LNX1: variants seen among roughly 807,000 people sequenced by gnomAD.
LNX1 encodes the protein E3 ubiquitin-protein ligase LNX.
A neutral mutation model predicts 68.4 loss-of-function variants in LNX1; 54 were observed. The observed-to-expected ratio is 0.79, with a 90% CI of 0.63 to 0.99. LNX1 has a LOEUF of 0.99. Ranked by LOEUF, LNX1 falls within the 50% of genes least tolerant of loss-of-function variation. The pLI, the probability that LNX1 is intolerant of heterozygous loss-of-function variation, is 0.00. For synonymous variants in LNX1, 336 were observed against 350.0 expected, an observed-to-expected ratio of 0.96 and a Z score of 0.45; for missense variants, 906 against 926.4, an observed-to-expected ratio of 0.98 and a Z score of 0.29.
Position 53,528,028 on chromosome 4 carries a change from C to T in LNX1, c.381-19801G>A, listed in dbSNP as rs115589697. On this transcript the variant is annotated intron_variant, in intron 2 of 10. Transcript: ENST00000263925. The stretch of plus-strand genomic sequence containing the variant: ...TAATATCTTCTAAGTTTATTTAATA[C>T]TCAGAATTCAGGATTGCCCATGTTT... Among the ~76,000 whole-genome samples the T allele has an allele frequency of 5.6e-3, 847 of 152,308 alleles. 3 individuals carry two copies. Among genetic ancestry groups the T allele is most frequent in the African/African-American group, 0.02 (818 of 41,556 alleles).
chr4:53,485,219 G>A (rs1207369954), intron 6 of LNX1, among the ~76,000 whole-genome samples: 1 of 152,148 alleles, frequency 6.6e-6, no homozygotes, highest in Non-Finnish European at 1.5e-5. Context: ...GAACATTCAG[G>A]TCAAAACCCC....
intron 6 of LNX1, among the ~76,000 whole-genome samples, chr4:53,493,820 G>A (rs1383553912): frequency 3.3e-5 from 5 of 152,170 alleles, no homozygotes; most frequent in East Asian, 1.9e-4. Flanking sequence ...TCTTAAGGCC[G>A]CTGGATCTTG....
At position 53,519,438 on chromosome 4, in the gene LNX1, G is replaced by GTT. The variant is rs36120084; in HGVS notation, c.381-11213_381-11212dup. The stretch of plus-strand genomic sequence containing the variant: ...TATCATTTGTTCAGTTTTGTTCAGT[G>GTT]TTTTTTTTTTTTTTTTTTAATCACA... On this transcript the variant is annotated intron_variant, in intron 2 of 10. Transcript: ENST00000263925. Among the ~76,000 whole-genome samples, 356 of 128,560 alleles carry GTT rather than the reference G, an allele frequency of 2.8e-3. 2 individuals are homozygous for GTT. The highest frequency in any genetic ancestry group is 7.2e-3 in the African/African-American group (248 of 34,292). 84.3% of individuals were successfully genotyped at this position (128,560 alleles called of 152,430 possible). A position where few individuals can be genotyped will look rare whatever the true frequency, so the allele number is the denominator to read the frequency against.
intron 1 of LNX1, among the ~76,000 whole-genome samples, chr4:53,583,624 T>G (rs1158547584): frequency 2.0e-5 from 3 of 151,848 alleles, no homozygotes; most frequent in Non-Finnish European, 2.9e-5. Flanking sequence ...AGAATTGAAC[T>G]AAAGGGAGAC....
Position 53,576,043 on chromosome 4 carries a change from G to C in LNX1, c.-86-1955C>G, listed in dbSNP as rs943659208. 16 of 1,565,292 alleles carry C rather than the reference G, an allele frequency of 1.0e-5. No individual in the cohort carries two copies. In the Admixed American group the frequency reaches 3.0e-4, roughly 29 times the overall value. Reference sequence around the variant, plus strand: ...CAGCCTGAAGCCCAACACCTTCAGGGACCAGCTCCAGGAACTCTGCATCCC... The same window carrying C: ...CAGCCTGAAGCCCAACACCTTCAGGCACCAGCTCCAGGAACTCTGCATCCC... On this transcript the variant is annotated intron_variant, in intron 1 of 10. Transcript: ENST00000263925.
At chr4:53,519,239 A>C (rs1032501788) in intron 2 of LNX1, among the ~76,000 whole-genome samples, 4 of 152,192 alleles carry the variant, frequency 2.6e-5, no homozygotes, top group African/African-American at 9.7e-5. Context: ...GATTTATTTC[A>C]TCCTTTTCTA....
intron 2 of LNX1, among the ~76,000 whole-genome samples, chr4:53,608,659 A>G (rs111714552): frequency 2.6e-5 from 4 of 152,280 alleles, no homozygotes; most frequent in African/African-American, 7.2e-5. Context: ...AGACATGCAC[A>G]TGTATGTTAA....
chr4:53,595,867 C>T (rs1381838027), upstream of LNX1, among the ~76,000 whole-genome samples: 1 of 152,086 alleles, frequency 6.6e-6, no homozygotes, highest in Non-Finnish European at 1.5e-5. Context: ...ATTTTGCTTC[C>T]TATTTTTTTT....
At chr4:53,490,782 T>C (rs892753783) in intron 6 of LNX1, among the ~76,000 whole-genome samples, 2 of 152,228 alleles carry the variant, frequency 1.3e-5, no homozygotes, top group African/African-American at 4.8e-5. Flanking sequence ...GTATTTAGTT[T>C]AATCCCCTCA....
Position 53,460,935 on chromosome 4 carries a change from AT to A in LNX1, c.2158del (p.Ile720LeufsTer28). On this transcript the variant is annotated frameshift_variant, in exon 11 of 11. Coordinates refer to ENST00000263925, the MANE Select transcript of LNX1 (RefSeq NM_001126328.3). LOFTEE classifies it high-confidence loss of function. ...TAAAAAAGTGCCAGGCCAAGAAACA[AT>A]AGTTAGAGTAATTCTTCCTTTAAGT... ...KELKGRITLT[I>X]VSWPGTFL 1 of 1,610,752 alleles carries A rather than the reference AT, an allele frequency of 6.2e-7. No individual in the cohort carries two copies. The highest frequency in any genetic ancestry group is 1.3e-5 in the African/African-American group (1 of 74,794).
chr4:53,612,056 T>A (rs1353506871), intron 2 of LNX1, among the ~76,000 whole-genome samples: 1 of 151,984 alleles, frequency 6.6e-6, no homozygotes, highest in African/African-American at 2.4e-5. Flanking sequence ...AACAAACCAA[T>A]AGGAAAATGG....
chr4:53,461,822 C>T (rs1722144572), intron 9 of LNX1, among the ~76,000 whole-genome samples: 1 of 152,036 alleles, frequency 6.6e-6, no homozygotes. Context: ...AAACTGACAG[C>T]CCTATTGTGT....
chr4:53,617,279 A>T (rs1384213786), exon 1 of LNX1: 1 of 152,174 alleles, frequency 6.6e-6, no homozygotes, highest in Non-Finnish European at 1.5e-5. Flanking sequence ...GTCATATTTC[A>T]AATCTCCTTT....
At position 53,460,467 on chromosome 4, in the gene LNX1, A is replaced by AAAT. The variant is rs1303647228; in HGVS notation, c.*437_*439dup. ...CTAAAAGACAACTATAACTTCTGAA[A>AAAT]AATATTTATTCTTGTTTGATGAAAG... On this transcript the variant is annotated 3_prime_UTR_variant, in exon 11 of 11. Coordinates refer to ENST00000263925, the MANE Select transcript of LNX1 (RefSeq NM_001126328.3). The AAAT allele has an allele frequency of 5.1e-6, 1 of 194,260 alleles. No individual in the cohort carries two copies. The highest frequency in any genetic ancestry group is 8.3e-5 in the East Asian group (1 of 12,002). The allele number at this position is 194,260 out of a possible 1,614,324, so 12.0% of individuals were successfully genotyped here. A position where few individuals can be genotyped will look rare whatever the true frequency, so the allele number is the denominator to read the frequency against.
intron 9 of LNX1, among the ~76,000 whole-genome samples, chr4:53,468,912 T>C (rs1191171078): frequency 4.6e-5 from 7 of 152,258 alleles, no homozygotes; most frequent in Middle Eastern, 3.4e-3. Context: ...CACCCCATTG[T>C]CAACATTAGA....
intron 2 of LNX1, among the ~76,000 whole-genome samples, chr4:53,551,215 G>A (rs1219601883): frequency 2.0e-5 from 3 of 152,020 alleles, no homozygotes; most frequent in Admixed American, 6.5e-5. Context: ...GTTTCTCCCC[G>A]AGGCCTCATC....
At chr4:53,584,272 G>A (rs1014482150) in intron 1 of LNX1, among the ~76,000 whole-genome samples, 6 of 152,246 alleles carry the variant, frequency 3.9e-5, no homozygotes, top group South Asian at 2.1e-4. Flanking sequence ...AGGGGTCATG[G>A]CTTTGCCTAA....
intron 2 of LNX1, among the ~76,000 whole-genome samples, chr4:53,538,808 C>T (rs1028381785): frequency 6.6e-6 from 1 of 152,144 alleles, no homozygotes; most frequent in Non-Finnish European, 1.5e-5. Context: ...AAAGGCTAAA[C>T]ATTAACATGC....
intron 9 of LNX1, among the ~76,000 whole-genome samples, chr4:53,463,641 A>AGAT (rs386400058): frequency 6.6e-6 from 1 of 151,284 alleles, no homozygotes; most frequent in Non-Finnish European, 1.5e-5. Context: ...GGCCTATCGA[A>AGAT]GATTTGGCAT....
Sources: gnomAD v4.1 joint callset for allele counts (sites outside exome capture counted in the v4.1 genomes callset) on GRCh38, gnomAD v4.1.1 for gene constraint, MANE v1.5 for transcripts, NCBI Gene and HGNC (gene_info 2026-07-23, HGNC 2026-07-21) for gene names.